The following MYH9 variants were observed in gnomAD, a reference collection of about 807,000 sequenced individuals.
MYH9 encodes the protein myosin-9.
Under a neutral mutation model 241.9 loss-of-function variants are expected in MYH9, and 29 were observed. The ratio of observed to expected loss-of-function variants is 0.12; its 90% CI spans 0.09 to 0.16. MYH9 has a LOEUF of 0.16. Ranked by LOEUF, MYH9 falls within the 10% of genes least tolerant of loss-of-function variation. The pLI is 1.00. For synonymous variants in MYH9, 1,047 were observed against 1,062.6 expected (o/e 0.99, Z 0.29); for missense variants, 1,803 against 2,595.5 (o/e 0.69, Z 6.63).
intron 35 of MYH9, among the ~76,000 whole-genome samples, 160 bp downstream of exon 35, chr22:36,286,558 A>T (rs1314172380): frequency 6.6e-6 from 1 of 152,228 alleles, no homozygotes; most frequent in South Asian, 2.1e-4. Flanking sequence ...CCCCGCTATG[A>T]AACGGAACCC....
Position 36,306,169 on chromosome 22 carries a change from C to T in MYH9, c.2038-118G>A. ...AGCCTAAGGGAGGGGGTCGCTACAG[C>T]CCACAGGTTTGGACAATGAAGTCAA... On this transcript the variant is annotated intron_variant, in intron 16 of 40. Coordinates refer to ENST00000216181, the MANE Select transcript of MYH9 (RefSeq NM_002473.6). This position sits in a 1 kb window ranked among gnomAD's most constrained non-coding sequence, Gnocchi z 4.1. 6.6e-7 allele frequency: 1 copy of T among 1,526,366 alleles called. No individual in the cohort carries two copies. Among genetic ancestry groups the T allele is most frequent in the African/African-American group, 1.4e-5 (1 of 73,318 alleles). The allele number at this position is 1,526,366 out of a possible 1,614,324, so 94.6% of individuals were successfully genotyped here.
chr22:36,382,971 A>G (rs1285742513), intron 1 of MYH9, among the ~76,000 whole-genome samples: 1 of 152,138 alleles, frequency 6.6e-6, no homozygotes, highest in African/African-American at 2.4e-5. Flanking sequence ...CTGTAACCCC[A>G]GCACTCTGAG....
At chr22:36,361,404 T>C (rs980508563) in intron 1 of MYH9, among the ~76,000 whole-genome samples, 6 of 152,136 alleles carry the variant, frequency 3.9e-5, no homozygotes, top group African/African-American at 1.4e-4. Flanking sequence ...CAATGAAAGA[T>C]GATGGCATTT....
intron 23 of MYH9, among the ~76,000 whole-genome samples, chr22:36,299,709 G>A (rs187900598): frequency 1.6e-4 from 24 of 152,274 alleles, no homozygotes; most frequent in African/African-American, 3.6e-4. Context: ...GGCAGACACC[G>A]ACAGGGACCC....
In MYH9 at chr22:36,293,284, G is replaced by T; in HGVS notation, c.4095+45C>A. 6.2e-7 allele frequency: 1 copy of T among 1,612,062 alleles called. No individual in the cohort carries two copies. The highest frequency in any genetic ancestry group is 2.2e-5 in the East Asian group (1 of 44,862). ...TGCCCAGGCCAGTGCCCGGCCAGCA[G>T]CTCCCCAGCCTGCAGAGTCCGGCCG... On this transcript the variant is annotated intron_variant, in intron 30 of 40. Coordinates refer to ENST00000216181, the MANE Select transcript of MYH9 (RefSeq NM_002473.6). The surrounding 1 kb of genome is among the most constrained non-coding windows in gnomAD (Gnocchi z 5.1).
chr22:36,287,570 C>T (rs1033160990), intron 34 of MYH9, among the ~76,000 whole-genome samples: 13 of 152,076 alleles, frequency 8.5e-5, no homozygotes, highest in South Asian at 4.2e-4. Context: ...GGTGAAACCC[C>T]GTCTCTACTA....
intron 3 of MYH9, among the ~76,000 whole-genome samples, chr22:36,340,947 C>G (rs950267802): frequency 6.6e-6 from 1 of 151,862 alleles, no homozygotes. Flanking sequence ...AGAAGCCACC[C>G]GAGGCTCTGC....
chr22:36,373,643 G>T (rs2018121473), intron 1 of MYH9, among the ~76,000 whole-genome samples: 1 of 152,194 alleles, frequency 6.6e-6, no homozygotes, highest in Admixed American at 6.5e-5. Context: ...GGTCTACGCT[G>T]CGAGCCCCCT....
At chr22:36,298,797 G>A in intron 24 of MYH9, 122 bp downstream of exon 24, 1 of 1,460,436 alleles carries the variant, frequency 6.8e-7, no homozygotes, top group South Asian at 1.2e-5. Flanking sequence ...GTGCTGTAGT[G>A]TGACCCAGGC....
In MYH9 at chr22:36,296,922, C is replaced by T. The variant is rs1423642805; in HGVS notation, c.3193G>A (p.Ala1065Thr). 3.1e-6 allele frequency: 5 copies of T among 1,613,884 alleles called. No individual in the cohort carries two copies. The highest frequency in any genetic ancestry group is 2.2e-5 in the East Asian group (1 of 44,898). The change falls in exon 25 of 41, where the codon GCC (alanine) becomes ACC (threonine). Residue 1065 changes from alanine to threonine, a missense_variant. Physicochemically the swap from Ala to Thr is moderately conservative, Grantham distance 58 (BLOSUM62 0). Around this residue, in one of 11 missense-constraint regions of MYH9, gnomAD observed 290 missense variants for 360.5 expected, o/e 0.80. Transcript: ENST00000216181. ...TCCGCGATCTGGGCCTGGAGCTCGG[C>T]GATCTGGTCGCTGAGGTCTGTGGAG... Reference protein sequence around the residue: ...GDSTDLSDQIAELQAQIAELK... With the variant: ...GDSTDLSDQITELQAQIAELK...
rs1469382687 is a variant in MYH9 at position 36,384,449 on chromosome 22, G to C, written c.-20+3358C>G. Reference sequence around the variant, plus strand: ...GATATAAAAACTAGTGGGGTGTGGTGGTGGGCACCTGTAATCCCAGCTACT... The same window carrying C: ...GATATAAAAACTAGTGGGGTGTGGTCGTGGGCACCTGTAATCCCAGCTACT... On this transcript the variant is annotated intron_variant, in intron 1 of 40. Transcript: ENST00000216181. 6.0e-5 allele frequency among the ~76,000 whole-genome samples: 9 copies of C among 148,992 alleles called. No homozygotes were observed. The East Asian group carries it at 7.9e-4, about 13-fold the overall frequency.
chr22:36,286,569 TG>T, intron 35 of MYH9, 148 bp downstream of exon 35: 3 of 1,136,486 alleles, frequency 2.6e-6, no homozygotes, highest in Non-Finnish European at 3.9e-6. Flanking sequence ...AACGGAACCC[TG>T]GAGGGAATCC....
At chr22:36,337,925 C>G (rs1446470029) in intron 3 of MYH9, among the ~76,000 whole-genome samples, 1 of 152,176 alleles carries the variant, frequency 6.6e-6, no homozygotes, top group African/African-American at 2.4e-5. Context: ...TTCCTCCCTG[C>G]TCCAAGAGCA....
At chr22:36,380,977 A>G (rs1014127200) in intron 1 of MYH9, among the ~76,000 whole-genome samples, 1 of 152,308 alleles carries the variant, frequency 6.6e-6, no homozygotes, top group Admixed American at 6.5e-5. Flanking sequence ...AATATGAGGA[A>G]GTAGATCAGA....
At chr22:36,336,143 G>A (rs920025359) in intron 3 of MYH9, among the ~76,000 whole-genome samples, 3 of 152,152 alleles carry the variant, frequency 2.0e-5, no homozygotes, top group Non-Finnish European at 4.4e-5. Flanking sequence ...CAAAATGCTG[G>A]GAACTCATTA....
Position 36,306,623 on chromosome 22 carries a change from AG to A in MYH9, c.1844-17del. ...ATGCGGTCCACTGTGGAGACCACAG[AG>A]AACACGTGAGTGCCCACACAGTTGC... is the stretch of plus-strand genomic sequence containing the variant. On this transcript the variant is annotated splice_polypyrimidine_tract_variant and intron_variant, in intron 15 of 40. Coordinates refer to ENST00000216181, the MANE Select transcript of MYH9 (RefSeq NM_002473.6). The surrounding 1 kb of genome is among the most constrained non-coding windows in gnomAD (Gnocchi z 4.1). The A allele has an allele frequency of 1.9e-6, 3 of 1,608,572 alleles. No individual in the cohort carries two copies. Among genetic ancestry groups the A allele is most frequent in the Non-Finnish European group, 2.5e-6 (3 of 1,178,942 alleles).
At chr22:36,345,051 G>A (rs1454878396) in intron 2 of MYH9, among the ~76,000 whole-genome samples, 7 of 152,186 alleles carry the variant, frequency 4.6e-5, no homozygotes, top group African/African-American at 7.2e-5. Flanking sequence ...GGTGGCTCAC[G>A]CCTGTAATCC....
At chr22:36,291,295 A>G (rs2146334467) in intron 31 of MYH9, among the ~76,000 whole-genome samples, 1 of 152,388 alleles carries the variant, frequency 6.6e-6, no homozygotes, top group Non-Finnish European at 1.5e-5. Flanking sequence ...CTGTGTAGAA[A>G]GAAGTATACA....
chr22:36,353,927 G>C (rs780153658), intron 1 of MYH9, among the ~76,000 whole-genome samples: 2 of 152,000 alleles, frequency 1.3e-5, no homozygotes, highest in South Asian at 4.2e-4. Flanking sequence ...TTGAGATGAA[G>C]TCTTGCTCTG....
Sources: gnomAD v4.1 joint callset for allele counts (sites outside exome capture counted in the v4.1 genomes callset) on GRCh38, gnomAD v4.1.1 for gene constraint, gnomAD v4.1.1 regional missense constraint, Gnocchi (gnomAD v3.1) non-coding constraint, MANE v1.5 for transcripts, NCBI Gene and HGNC (gene_info 2026-07-23, HGNC 2026-07-21) for gene names.